SASH1: variants seen among roughly 807,000 people sequenced by gnomAD.
The protein encoded by SASH1 is SAM and SH3 domain-containing protein 1.
SASH1 carries 44 observed loss-of-function variants against 125.2 expected under a neutral mutation model. That is an observed-to-expected ratio of 0.35 (90% CI 0.28 to 0.45). SASH1 has a LOEUF of 0.45. Among genes scored for constraint, SASH1 ranks in the 20% least tolerant of loss-of-function variants. The pLI is 1.00. For synonymous variants in SASH1, 639 were observed against 649.1 expected (o/e 0.98, Z 0.24); for missense variants, 1,426 against 1,614.5 (o/e 0.88, Z 2.00).
chr6:148,508,126 G>C (rs913751675), intron 8 of SASH1, among the ~76,000 whole-genome samples: 48 of 152,126 alleles, frequency 3.2e-4, no homozygotes, highest in African/African-American at 1.1e-3. Context: ...TTTGTTAAGA[G>C]AGCTTTAGAA....
the SASH1 span, among the ~76,000 whole-genome samples, chr6:148,211,065 G>C: frequency 6.6e-6 from 1 of 152,170 alleles, no homozygotes; most frequent in Non-Finnish European, 1.5e-5. Flanking sequence ...CCTCAACCTT[G>C]TGGCCTCTTA....
intron 1 of SASH1, among the ~76,000 whole-genome samples, chr6:148,283,883 C>G (rs1418491477): frequency 2.0e-5 from 3 of 152,036 alleles, no homozygotes. Context: ...TGGAGCAATA[C>G]AGGAACACAC....
rs10710533 is a variant in SASH1, at chr6:148,514,458, TA to T, written c.862+30del. 0.091 allele frequency: 51,754 copies of T among 565,784 alleles called. 572 individuals carry two copies. The highest frequency in any genetic ancestry group is 0.18 in the African/African-American group (3,181 of 17,682). The allele number at this position is 565,784 out of a possible 1,614,324, so 35.0% of individuals were successfully genotyped here. A position where few individuals can be genotyped will look rare whatever the true frequency, so the allele number is the denominator to read the frequency against. ...AAATGAAAAAACCCAGCACTGAAGG[TA>T]AAAAAAAAAAAAAAAAAAAAAAAAA... is the stretch of plus-strand genomic sequence containing the variant. On this transcript the variant is annotated splice_donor_region_variant and intron_variant, in intron 9 of 19. Transcript: ENST00000367467.
intron 1 of SASH1, among the ~76,000 whole-genome samples, chr6:148,336,247 C>T (rs1781151525): frequency 7.4e-6 from 1 of 135,718 alleles, no homozygotes; most frequent in South Asian, 2.4e-4. Flanking sequence ...AAGATCTCGG[C>T]TCACTGCGAG....
intron 10 of SASH1, among the ~76,000 whole-genome samples, chr6:148,522,275 TCAAA>T (rs763363775): frequency 3.9e-5 from 6 of 152,236 alleles, no homozygotes; most frequent in Non-Finnish European, 5.9e-5. Flanking sequence ...AGTTGTACAA[TCAAA>T]CAAATTTAAC....
At chr6:148,247,932 G>A in the SASH1 span, among the ~76,000 whole-genome samples, 1 of 152,176 alleles carries the variant, frequency 6.6e-6, no homozygotes, top group Admixed American at 6.5e-5. Flanking sequence ...CATCTGTTCT[G>A]AGCATGGTAA....
chr6:148,350,489 T>C (rs1781690303), intron 1 of SASH1, among the ~76,000 whole-genome samples: 1 of 152,206 alleles, frequency 6.6e-6, no homozygotes, highest in Non-Finnish European at 1.5e-5. Context: ...GTGGGAAATA[T>C]GTAGTTCAAT....
At chr6:148,449,406 A>T (rs1776984268) in intron 4 of SASH1, among the ~76,000 whole-genome samples, 1 of 119,958 alleles carries the variant, frequency 8.3e-6, no homozygotes. Context: ...TTTTTTTCTG[A>T]GACGTAGTTT....
the SASH1 span, among the ~76,000 whole-genome samples, chr6:148,249,208 G>A: frequency 1.4e-4 from 22 of 152,318 alleles, no homozygotes; most frequent in South Asian, 4.6e-3. Flanking sequence ...ACAGGTCCTA[G>A]AGCAGTGGAT....
intron 6 of SASH1, among the ~76,000 whole-genome samples, chr6:148,472,776 C>G (rs1778177304): frequency 6.6e-6 from 1 of 152,152 alleles, no homozygotes; most frequent in Non-Finnish European, 1.5e-5. Context: ...GTCAGCCGTG[C>G]CTGAAATGGT....
chr6:148,442,627 C>A (rs996656844), intron 4 of SASH1, among the ~76,000 whole-genome samples: 15 of 151,878 alleles, frequency 9.9e-5, no homozygotes, highest in African/African-American at 3.6e-4. Flanking sequence ...GATTGTCACC[C>A]CTAAATGCTT....
At chr6:148,318,744 G>T (rs950992523) in intron 1 of SASH1, among the ~76,000 whole-genome samples, 2 of 151,858 alleles carry the variant, frequency 1.3e-5, no homozygotes, top group African/African-American at 2.4e-5. Flanking sequence ...ATAGAGACGG[G>T]GTTTCACCAC....
At chr6:148,469,194 A>G (rs6570854) in intron 5 of SASH1, 3 of 152,228 alleles carry the variant, frequency 2.0e-5, no homozygotes, top group African/African-American at 7.2e-5. Flanking sequence ...GACTTTGAAT[A>G]TGCCGACCCA....
chr6:148,533,983 CA>C lies in SASH1; in HGVS notation c.1944+4del. 2 of 1,613,284 alleles carry C rather than the reference CA, an allele frequency of 1.2e-6. No individual in the cohort carries two copies. ...TCCTGGATCGGATTAACCTAAAAGT[CA>C]GTCGCTTCTGATTCTTGTCACACGC... On this transcript the variant is annotated splice_donor_region_variant and intron_variant, in intron 15 of 19. Coordinates refer to ENST00000367467, the MANE Select transcript of SASH1 (RefSeq NM_015278.5). This position sits in a 1 kb window ranked among gnomAD's most constrained non-coding sequence, Gnocchi z 6.2.
At position 148,546,076 on chromosome 6, in the gene SASH1, C is replaced by T; in HGVS notation, c.3410C>T (p.Pro1137Leu). Residue 1137 changes from proline (P) to leucine (L), a missense_variant, in exon 19 of 20, where the codon CCC (proline) becomes CTC (leucine). Transcript: ENST00000367467. Reference sequence around the variant, plus strand: ...AGATACGCAGAGGACTTGGATCAGCCCGAGCGGGACGTCGCCGCCAACATG... The same window carrying T: ...AGATACGCAGAGGACTTGGATCAGCTCGAGCGGGACGTCGCCGCCAACATG... ...VQRYAEDLDQ[P>L]ERDVAANMDQ... The T allele has an allele frequency of 6.2e-7, 1 of 1,614,256 alleles. No homozygotes were observed. The highest frequency in any genetic ancestry group is 8.5e-7 in the Non-Finnish European group (1 of 1,180,054).
At chr6:148,291,746 AT>A (rs1242475529) in intron 1 of SASH1, among the ~76,000 whole-genome samples, 1 of 152,160 alleles carries the variant, frequency 6.6e-6, no homozygotes, top group Non-Finnish European at 1.5e-5. Context: ...AAAAAAAGAA[AT>A]GCTGTTTTAA....
At chr6:148,393,041 ATTTTTTTTTTTT>A (rs11368073) in intron 2 of SASH1, among the ~76,000 whole-genome samples, 1 of 78,112 alleles carries the variant, frequency 1.3e-5, no homozygotes, top group East Asian at 3.6e-4. Flanking sequence ...GAATGTTTCA[ATTTTTTTTTTTT>A]TTTTTTTTTT....
chr6:148,543,934 T>C lies in SASH1; in HGVS notation c.2464T>C (p.Cys822Arg), dbSNP rs1782380309. 1.2e-6 allele frequency: 2 copies of C among 1,614,080 alleles called. No individual in the cohort carries two copies. The highest frequency in any genetic ancestry group is 1.7e-6 in the Non-Finnish European group (2 of 1,180,052). The change falls in exon 18 of 20, where the codon TGT becomes CGT. Residue 822 changes from cysteine (C) to arginine (R), a missense_variant. Cys to Arg is a radical substitution (Grantham distance 180). This residue lies in a region of SASH1 where 634 missense variants were observed against 694.4 expected (regional missense o/e 0.91). Transcript: ENST00000367467. The stretch of plus-strand genomic sequence containing the variant: ...CCTCCCAGTTTCCATCTGCCGGAGC[T>C]GTGAGACCCTGGAGGGCCCCCAGAC... ...RSLPVSICRSCETLEGPQTVD... is the reference protein window; with the variant it reads ...RSLPVSICRSRETLEGPQTVD...
At chr6:148,281,431 T>C (rs899162934) in intron 1 of SASH1, among the ~76,000 whole-genome samples, 1 of 152,134 alleles carries the variant, frequency 6.6e-6, no homozygotes, top group Non-Finnish European at 1.5e-5. Flanking sequence ...TCCTGGAGGA[T>C]ATGCTCCACT....
Sources: gnomAD v4.1 joint callset for allele counts (sites outside exome capture counted in the v4.1 genomes callset) on GRCh38, gnomAD v4.1.1 for gene constraint, gnomAD v4.1.1 regional missense constraint, Gnocchi (gnomAD v3.1) non-coding constraint, MANE v1.5 for transcripts, NCBI Gene and HGNC (gene_info 2026-07-23, HGNC 2026-07-21) for gene names.